Variants in KMT2C observed in about 807,000 individuals in gnomAD.
KMT2C encodes the protein lysine methyltransferase 2C.
KMT2C carries 88 observed loss-of-function variants against 507.9 expected under a neutral mutation model. The observed-to-expected ratio is 0.17, with a 90% CI of 0.15 to 0.21. The LOEUF is 0.21. KMT2C is among the 10% of genes least tolerant of loss of function. The probability of loss-of-function intolerance (pLI) is 1.00; values close to 1 mark genes in which losing one functional copy is unlikely to be tolerated. For missense variants in KMT2C, 4,954 were observed against 5,957.8 expected, an observed-to-expected ratio of 0.83 and a Z score of 5.55; for synonymous variants, 2,049 against 2,080.8, an observed-to-expected ratio of 0.98 and a Z score of 0.42.
At chr7:152,228,215 G>GT (rs1293659436) in intron 18 of KMT2C, among the ~76,000 whole-genome samples, 1 of 152,254 alleles carries the variant, frequency 6.6e-6, no homozygotes, top group East Asian at 1.9e-4. Context: ...ACAGTCCATA[G>GT]TTAAAATCCT....
At chr7:152,424,893 A>G (rs1402596086) in intron 1 of KMT2C, among the ~76,000 whole-genome samples, 1 of 152,196 alleles carries the variant, frequency 6.6e-6, no homozygotes, top group African/African-American at 2.4e-5. Flanking sequence ...AGCTTCTTGC[A>G]CGGCAGCAAC....
chr7:152,225,534 G>A (rs1005783823), intron 18 of KMT2C, among the ~76,000 whole-genome samples: 2 of 152,178 alleles, frequency 1.3e-5, no homozygotes, highest in African/African-American at 4.8e-5. Context: ...TGTGAAGACA[G>A]AACACGTTGT....
At chr7:152,380,515 C>A (rs1413600836) in intron 1 of KMT2C, among the ~76,000 whole-genome samples, 5 of 151,562 alleles carry the variant, frequency 3.3e-5, no homozygotes, top group Admixed American at 3.3e-4. Context: ...TTGCAGTGAG[C>A]CGAGATCGCA....
intron 41 of KMT2C, among the ~76,000 whole-genome samples, chr7:152,168,975 T>A (rs1301837419): frequency 6.6e-6 from 1 of 152,208 alleles, no homozygotes; most frequent in Non-Finnish European, 1.5e-5. Flanking sequence ...AATACTTTTC[T>A]GTAACTATAA....
chr7:152,250,281 ATTT>A (rs887768118), intron 12 of KMT2C, among the ~76,000 whole-genome samples: 1 of 152,172 alleles, frequency 6.6e-6, no homozygotes, highest in Admixed American at 6.5e-5. Context: ...ATACATTATA[ATTT>A]TTATGTATAC....
intron 1 of KMT2C, among the ~76,000 whole-genome samples, chr7:152,378,472 G>A (rs1012897057): frequency 2.0e-5 from 3 of 152,230 alleles, no homozygotes. Context: ...ATTAAAGTAT[G>A]CACATTGGTT....
intron 11 of KMT2C, among the ~76,000 whole-genome samples, chr7:152,251,218 G>A (rs539875141): frequency 1.3e-5 from 2 of 152,228 alleles, no homozygotes; most frequent in South Asian, 2.1e-4. Flanking sequence ...AGGCCAAGAC[G>A]GAAGGAACGC....
chr7:152,329,694 G>A (rs1403448060), intron 3 of KMT2C, among the ~76,000 whole-genome samples: 3 of 150,562 alleles, frequency 2.0e-5, no homozygotes, highest in Admixed American at 1.3e-4. Context: ...GAGGGAAGGA[G>A]GGCGGGAAGG....
intron 2 of KMT2C, among the ~76,000 whole-genome samples, chr7:152,354,972 T>A (rs767458340): frequency 1.3e-5 from 2 of 152,000 alleles, no homozygotes; most frequent in Non-Finnish European, 2.9e-5. Flanking sequence ...AAGAGTAGAA[T>A]GGAATGAAAA....
In KMT2C at chr7:152,251,913, T is replaced by A. The variant is rs759073028; in HGVS notation, c.1621+26A>T. 6.6e-5 allele frequency: 102 copies of A among 1,540,026 alleles called. 1 individual carries two copies. Among genetic ancestry groups the A allele is most frequent in the African/African-American group, 2.6e-4 (19 of 72,154 alleles). On this transcript the variant is annotated intron_variant, in intron 11 of 58. Coordinates refer to ENST00000262189, the MANE Select transcript of KMT2C (RefSeq NM_170606.3). ...CACAACATTACAAAAACAAAAAATT[T>A]AAAAAAAAATCATTCTCAAATTTAC... is the stretch of plus-strand genomic sequence containing the variant.
chr7:152,401,081 T>C (rs937758704), intron 1 of KMT2C, among the ~76,000 whole-genome samples: 5 of 151,396 alleles, frequency 3.3e-5, no homozygotes, highest in Admixed American at 6.6e-5. Flanking sequence ...CATAATAATG[T>C]AGAAACTATT....
chr7:152,317,625 G>A (rs1563839591), intron 3 of KMT2C, among the ~76,000 whole-genome samples: 1 of 152,206 alleles, frequency 6.6e-6, no homozygotes, highest in East Asian at 1.9e-4. Flanking sequence ...GAAACACAGT[G>A]AGACTATGTT....
intron 51 of KMT2C, among the ~76,000 whole-genome samples, chr7:152,149,845 A>C (rs1487657967): frequency 1.3e-5 from 2 of 152,174 alleles, no homozygotes; most frequent in Non-Finnish European, 2.9e-5. Context: ...CCCAATCCTG[A>C]CAAGGTATCT....
chr7:152,178,038 A>G (rs1463354832), intron 37 of KMT2C, 28 bp from the exon 38 acceptor site: 1 of 1,399,502 alleles, frequency 7.1e-7, no homozygotes, highest in South Asian at 1.8e-5. Context: ...AAAAAAAAAA[A>G]AAAAGCAAAT....
intron 1 of KMT2C, among the ~76,000 whole-genome samples, chr7:152,361,353 G>A (rs2097195475): frequency 6.6e-6 from 1 of 152,124 alleles, no homozygotes; most frequent in Non-Finnish European, 1.5e-5. Flanking sequence ...GAGGTCAGGA[G>A]ATCGAGACCA....
intron 14 of KMT2C, chr7:152,239,097 G>T (rs2360902): frequency 2.4e-4 from 64 of 271,054 alleles, no homozygotes; most frequent in Middle Eastern, 1.1e-3. Context: ...AAGGTTTATA[G>T]GACATCAACA....
intron 16 of KMT2C, among the ~76,000 whole-genome samples, chr7:152,235,195 G>A (rs917547224): frequency 9.4e-5 from 13 of 138,738 alleles, no homozygotes; most frequent in Middle Eastern, 3.5e-3. Flanking sequence ...TTGTGGTATC[G>A]TTTTCAAGGG....
In KMT2C at chr7:152,181,617, A is replaced by T; in HGVS notation, c.6243T>A (p.Pro2081=). 1 of 1,614,118 alleles carries T rather than the reference A, an allele frequency of 6.2e-7. No individual in the cohort carries two copies. Among genetic ancestry groups the T allele is most frequent in the Non-Finnish European group, 8.5e-7 (1 of 1,180,018 alleles). The change falls in exon 36 of 59, where the codon CCT becomes CCA. Residue 2081 remains proline, a synonymous_variant. Coordinates refer to ENST00000262189, the MANE Select transcript of KMT2C (RefSeq NM_170606.3). The part of the protein sequence containing the change: ...PYERPALTPR[P]IDNFSHNQSN... ...ACTGATTATGAGAAAAATTATCTAT[A>T]GGTCTTGGTGTCAAAGCAGGCCTTT...
At chr7:152,187,951 C>T in intron 31 of KMT2C, 104 bp from the exon 32 acceptor site, 1 of 1,022,384 alleles carries the variant, frequency 9.8e-7, no homozygotes, top group Admixed American at 2.3e-5. Flanking sequence ...CATGGGTCCA[C>T]ATAAACACAC....
Sources: gnomAD v4.1 joint callset for allele counts (sites outside exome capture counted in the v4.1 genomes callset) on GRCh38, gnomAD v4.1.1 for gene constraint, MANE v1.5 for transcripts, NCBI Gene and HGNC (gene_info 2026-07-23, HGNC 2026-07-21) for gene names.